Variants in SLC44A1 observed in about 807,000 individuals in gnomAD.
The protein encoded by SLC44A1 is choline transporter-like protein 1.
A neutral mutation model predicts 79.3 loss-of-function variants in SLC44A1; 26 were observed. The observed-to-expected ratio is 0.33, with a 90% CI of 0.24 to 0.46. SLC44A1 has a LOEUF of 0.46. Among genes scored for constraint, SLC44A1 ranks in the 20% least tolerant of loss-of-function variants. The pLI, the probability that SLC44A1 is intolerant of heterozygous loss-of-function variation, is 1.00. For missense variants in SLC44A1, 688 were observed against 798.1 expected (o/e 0.86, Z 1.66); for synonymous variants, 263 against 286.2 (o/e 0.92, Z 0.82).
intron 3 of SLC44A1, among the ~76,000 whole-genome samples, chr9:105,322,376 G>A (rs1274706223): frequency 6.6e-6 from 1 of 152,184 alleles, no homozygotes; most frequent in African/African-American, 2.4e-5. Flanking sequence ...GTTTTCAAAA[G>A]AAGCCGGAAG....
chr9:105,364,521 G>A (rs1297926372), intron 9 of SLC44A1, 34 bp from the exon 10 acceptor site: 2 of 1,582,294 alleles, frequency 1.3e-6, no homozygotes, highest in Non-Finnish European at 1.7e-6. Flanking sequence ...TGTACTTTAT[G>A]TGCTTCTTCT....
intron 7 of SLC44A1, among the ~76,000 whole-genome samples, chr9:105,358,802 C>G (rs1443914775): frequency 6.6e-6 from 1 of 152,042 alleles, no homozygotes; most frequent in African/African-American, 2.4e-5. Context: ...TTCTTGTTTT[C>G]TCTCTTTGCT....
intron 3 of SLC44A1, among the ~76,000 whole-genome samples, chr9:105,334,593 G>A (rs927708978): frequency 2.6e-5 from 4 of 152,122 alleles, no homozygotes; most frequent in Admixed American, 1.3e-4. Flanking sequence ...AACCCTGGCT[G>A]GAGATTCATT....
intron 1 of SLC44A1, among the ~76,000 whole-genome samples, chr9:105,282,457 AAT>A (rs1327688880): frequency 6.6e-6 from 1 of 152,204 alleles, no homozygotes; most frequent in East Asian, 1.9e-4. Context: ...AAAGGACTGC[AAT>A]AGTCTTCTGA....
At chr9:105,387,060 A>AAAAAAAAAAAAAAAAAATATATATAT (rs34780893) in intron 15 of SLC44A1, among the ~76,000 whole-genome samples, 2 of 7,714 alleles carry the variant, frequency 2.6e-4, no homozygotes, top group Admixed American at 4.0e-3. Context: ...AAAAAAAAAA[A>AAAAAAAAAAAAAAAAAATATATATAT]ATATATATAT....
At chr9:105,413,521 T>C (rs1829125935) in intron 15 of SLC44A1, among the ~76,000 whole-genome samples, 1 of 152,206 alleles carries the variant, frequency 6.6e-6, no homozygotes, top group Non-Finnish European at 1.5e-5. Context: ...AGACCAAAGA[T>C]GGCAGAACCA....
intron 14 of SLC44A1, 109 bp from the exon 15 acceptor site, chr9:105,385,313 C>G: frequency 1.3e-6 from 1 of 746,528 alleles, no homozygotes; most frequent in Non-Finnish European, 2.3e-6. Flanking sequence ...TGTTTTTAAG[C>G]CATCCATTTA....
chr9:105,282,471 C>A (rs1215324411), intron 1 of SLC44A1, among the ~76,000 whole-genome samples: 1 of 152,170 alleles, frequency 6.6e-6, no homozygotes, highest in East Asian at 1.9e-4. Context: ...GTCTTCTGAT[C>A]AGACTGTCAA....
In SLC44A1 at chr9:105,390,014, A is replaced by G; in HGVS notation, c.*958A>G. ...AGAGTAACGTCAGTGGCTTAGGGTTAAACGGCCATTTTATTCAAATGCTTG... is the reference window on the plus strand; with the variant it reads ...AGAGTAACGTCAGTGGCTTAGGGTTGAACGGCCATTTTATTCAAATGCTTG... On this transcript the variant is annotated 3_prime_UTR_variant, in exon 16 of 16. Transcript: ENST00000374720. 2 of 1,382,714 alleles carry G rather than the reference A, an allele frequency of 1.4e-6. No individual in the cohort carries two copies. The highest frequency in any genetic ancestry group is 1.9e-6 in the Non-Finnish European group (2 of 1,065,308). The allele number at this position is 1,382,714 out of a possible 1,614,324, so 85.7% of individuals were successfully genotyped here. A position where few individuals can be genotyped will look rare whatever the true frequency, so the allele number is the denominator to read the frequency against.
intron 3 of SLC44A1, 132 bp from the exon 4 acceptor site, chr9:105,335,431 T>A (rs1431252451): frequency 1.7e-6 from 1 of 585,022 alleles, no homozygotes; most frequent in Non-Finnish European, 2.8e-6. Context: ...TTTTTTAAAA[T>A]GTATTTATGA....
intron 6 of SLC44A1, chr9:105,357,033 C>T (rs1292292653): frequency 2.6e-5 from 4 of 152,168 alleles, no homozygotes; most frequent in African/African-American, 9.6e-5. Flanking sequence ...GAACCAACAG[C>T]TATTTCATTA....
At chr9:105,385,558 C>G in intron 15 of SLC44A1, 56 bp downstream of exon 15, 13 of 1,549,230 alleles carry the variant, frequency 8.4e-6, no homozygotes, top group Non-Finnish European at 1.1e-5. Context: ...CACTTCCTCT[C>G]TCTCTCTGTC....
chr9:105,364,347 A>T (rs1827876696), intron 9 of SLC44A1, among the ~76,000 whole-genome samples: 1 of 152,230 alleles, frequency 6.6e-6, no homozygotes, highest in Non-Finnish European at 1.5e-5. Context: ...GCTTTATATG[A>T]TGCCTTTGAG....
At chr9:105,308,159 A>ATGG (rs1831082007) in intron 2 of SLC44A1, among the ~76,000 whole-genome samples, 1 of 152,228 alleles carries the variant, frequency 6.6e-6, no homozygotes, top group South Asian at 2.1e-4. Context: ...CAAGAAGAAA[A>ATGG]TGGACTCATC....
At chr9:105,362,699 T>A in intron 8 of SLC44A1, 122 bp from the exon 9 acceptor site, 1 of 605,606 alleles carries the variant, frequency 1.7e-6, no homozygotes, top group Non-Finnish European at 2.8e-6. Flanking sequence ...TAAAGTATTA[T>A]TGAAATTCAA....
chr9:105,423,556 G>GT (rs1829282838), intron 15 of SLC44A1, among the ~76,000 whole-genome samples: 1 of 152,192 alleles, frequency 6.6e-6, no homozygotes, highest in Admixed American at 6.6e-5. Context: ...AAAAGATTTT[G>GT]CTGCAAATCA....
At chr9:105,247,334 G>T (rs1829480652) in intron 1 of SLC44A1, among the ~76,000 whole-genome samples, 1 of 152,042 alleles carries the variant, frequency 6.6e-6, no homozygotes, top group Non-Finnish European at 1.5e-5. Flanking sequence ...CGCTTTTGTT[G>T]CCCAGGCTGC....
At chr9:105,425,803 G>T (rs537443411) in intron 15 of SLC44A1, among the ~76,000 whole-genome samples, 1 of 152,192 alleles carries the variant, frequency 6.6e-6, no homozygotes, top group Admixed American at 6.5e-5. Flanking sequence ...AGCCTGGGCG[G>T]CAGAGCAAGA....
At chr9:105,245,196 G>A (rs1829405098) in intron 1 of SLC44A1, among the ~76,000 whole-genome samples, 1 of 150,836 alleles carries the variant, frequency 6.6e-6, no homozygotes, top group South Asian at 2.1e-4. Flanking sequence ...TGAGCTGCCC[G>A]TCCCGCCCGC....
Sources: gnomAD v4.1 joint callset for allele counts (sites outside exome capture counted in the v4.1 genomes callset) on GRCh38, gnomAD v4.1.1 for gene constraint, MANE v1.5 for transcripts, NCBI Gene and HGNC (gene_info 2026-07-23, HGNC 2026-07-21) for gene names.